Variants in FAM168A observed in about 807,000 individuals in gnomAD.
FAM168A encodes the protein family with sequence similarity 168 member A.
In FAM168A, 3 loss-of-function variants were observed where a neutral mutation model predicts 28.5. That is an observed-to-expected ratio of 0.11 (90% CI 0.05 to 0.27). FAM168A has a LOEUF of 0.27. FAM168A is among the 10% of genes least tolerant of loss of function. The pLI is 1.00. For synonymous variants in FAM168A, 122 were observed against 124.2 expected (o/e 0.98, Z 0.12); for missense variants, 222 against 311.5 (o/e 0.71, Z 2.16).
chr11:73,519,802 G>A (rs923227058), intron 1 of FAM168A, among the ~76,000 whole-genome samples: 1 of 151,288 alleles, frequency 6.6e-6, no homozygotes, highest in Non-Finnish European at 1.5e-5. Flanking sequence ...GTGCGTGTGC[G>A]TTTGTGTGTG....
intron 1 of FAM168A, among the ~76,000 whole-genome samples, chr11:73,530,079 A>G (rs1342847513): frequency 6.6e-6 from 1 of 152,008 alleles, no homozygotes; most frequent in Non-Finnish European, 1.5e-5. Flanking sequence ...GAGCCACCAC[A>G]CCTGGCCCAA....
intron 2 of FAM168A, among the ~76,000 whole-genome samples, chr11:73,448,240 G>T (rs1054888560): frequency 5.9e-5 from 9 of 151,876 alleles, no homozygotes; most frequent in African/African-American, 2.2e-4. Flanking sequence ...TAGAGACGGG[G>T]TTTCACCATG....
chr11:73,496,905 A>G (rs957734157), intron 1 of FAM168A, among the ~76,000 whole-genome samples: 39 of 144,338 alleles, frequency 2.7e-4, no homozygotes, highest in African/African-American at 8.3e-4. Flanking sequence ...ACACACACAC[A>G]CGCACACACA....
At chr11:73,588,670 A>C (rs1172360238) in intron 1 of FAM168A, among the ~76,000 whole-genome samples, 6 of 152,210 alleles carry the variant, frequency 3.9e-5, no homozygotes, top group Admixed American at 3.9e-4. Flanking sequence ...ACTGCACTCC[A>C]GTGTGAAACC....
intron 1 of FAM168A, among the ~76,000 whole-genome samples, chr11:73,482,131 A>C (rs1867975425): frequency 6.8e-6 from 1 of 147,996 alleles, no homozygotes; most frequent in African/African-American, 2.5e-5. Flanking sequence ...ACCCAGTCTC[A>C]GGTGTTTTGT....
chr11:73,568,810 G>T (rs900378604), intron 1 of FAM168A, among the ~76,000 whole-genome samples: 2 of 152,112 alleles, frequency 1.3e-5, no homozygotes, highest in African/African-American at 2.4e-5. Flanking sequence ...CATGAGAATT[G>T]CTTGAACCCA....
At chr11:73,442,958 A>ATATC (rs2134533056) in intron 2 of FAM168A, among the ~76,000 whole-genome samples, 1 of 63,310 alleles carries the variant, frequency 1.6e-5, no homozygotes, top group Admixed American at 1.3e-4. Context: ...TACAAAGGAT[A>ATATC]TATATATATA....
intron 1 of FAM168A, chr11:73,580,629 G>A (rs1308566581): frequency 2.3e-6 from 1 of 439,878 alleles, no homozygotes; most frequent in African/African-American, 2.0e-5. Flanking sequence ...ACTTTTTTAA[G>A]CTATGTTGTT....
intron 1 of FAM168A, among the ~76,000 whole-genome samples, chr11:73,484,612 ATATATCTATATATAGATATC>A (rs1366624487): frequency 2.1e-5 from 3 of 140,994 alleles, no homozygotes; most frequent in Non-Finnish European, 4.6e-5. Context: ...CTATATCGAT[ATATATCTATATATAGATATC>A]TATATCGATA....
At chr11:73,586,345 C>T (rs1022253003) in intron 1 of FAM168A, among the ~76,000 whole-genome samples, 1 of 152,096 alleles carries the variant, frequency 6.6e-6, no homozygotes, top group Admixed American at 6.5e-5. Context: ...ATGCAGGAGG[C>T]TGAGGCAGGA....
intron 1 of FAM168A, among the ~76,000 whole-genome samples, chr11:73,528,243 T>C (rs1244125114): frequency 6.6e-6 from 1 of 152,150 alleles, no homozygotes; most frequent in East Asian, 1.9e-4. Flanking sequence ...GCTAGGAAAA[T>C]GAGGCTGAGA....
chr11:73,534,696 A>G (rs1943555672), intron 1 of FAM168A, among the ~76,000 whole-genome samples: 1 of 151,940 alleles, frequency 6.6e-6, no homozygotes, highest in South Asian at 2.1e-4. Context: ...AAGCCACCAC[A>G]CCCGGCAGTA....
chr11:73,570,489 C>T (rs1032849623), intron 1 of FAM168A, among the ~76,000 whole-genome samples: 2 of 152,080 alleles, frequency 1.3e-5, no homozygotes, highest in East Asian at 1.9e-4. Context: ...CACCTGTAAT[C>T]CCAACACTTA....
chr11:73,526,522 C>A, intron 1 of FAM168A, among the ~76,000 whole-genome samples: 1 of 151,830 alleles, frequency 6.6e-6, no homozygotes. Context: ...AAAACAATAA[C>A]AAAAATCATT....
In FAM168A at chr11:73,403,746, GCTTGTGGAT is replaced by G. The variant is rs1866454341; in HGVS notation, c.*3008_*3016del. The G allele has an allele frequency of 6.6e-6, 1 of 152,214 alleles. No homozygotes were observed. The highest frequency in any genetic ancestry group is 2.1e-4 in the South Asian group (1 of 4,830). The allele number at this position is 152,214 out of a possible 1,614,324, so 9.4% of individuals were successfully genotyped here. A position where few individuals can be genotyped will look rare whatever the true frequency, so the allele number is the denominator to read the frequency against. ...GCAGTGACTCCCCAAGCTTGGCTAG[GCTTGTGGAT>G]CTCCATCACAGCAAGAGGCTGAGGC... On this transcript the variant is annotated 3_prime_UTR_variant, in exon 8 of 8. Coordinates refer to ENST00000356467, the MANE Select transcript of FAM168A (RefSeq NM_015159.3).
At chr11:73,482,732 T>G (rs1867984230) in intron 1 of FAM168A, among the ~76,000 whole-genome samples, 1 of 152,026 alleles carries the variant, frequency 6.6e-6, no homozygotes, top group African/African-American at 2.4e-5. Flanking sequence ...CAAGTTTTTT[T>G]TGTGTTGTTT....
intron 1 of FAM168A, among the ~76,000 whole-genome samples, chr11:73,516,832 C>CA (rs1296982637): frequency 2.6e-5 from 4 of 152,170 alleles, no homozygotes; most frequent in Non-Finnish European, 4.4e-5. Context: ...ACCCCTCATT[C>CA]ATTCATCCAA....
intron 1 of FAM168A, among the ~76,000 whole-genome samples, chr11:73,547,409 A>T (rs1943772812): frequency 6.6e-6 from 1 of 152,134 alleles, no homozygotes; most frequent in African/African-American, 2.4e-5. Flanking sequence ...GTTGGTGGGA[A>T]CATAAAATGG....
intron 2 of FAM168A, among the ~76,000 whole-genome samples, chr11:73,433,086 T>A (rs929105231): frequency 7.3e-5 from 10 of 137,002 alleles, no homozygotes; most frequent in Non-Finnish European, 1.6e-4. Flanking sequence ...CTTTTTTTTT[T>A]TTTTTTTTTT....
Sources: allele counts gnomAD v4.1 joint callset (sites outside exome capture counted in the v4.1 genomes callset), GRCh38; gene constraint gnomAD v4.1.1; transcripts MANE v1.5; gene names NCBI Gene and HGNC (gene_info 2026-07-23, HGNC 2026-07-21).